The following MAP4K2 variants were observed in gnomAD, a reference collection of about 807,000 sequenced individuals.
MAP4K2 encodes B lymphocyte serine/threonine protein kinase.
MAP4K2 carries 85 observed loss-of-function variants against 125.3 expected under a neutral mutation model. The observed-to-expected ratio is 0.68, with a 90% CI of 0.57 to 0.81. The LOEUF (loss-of-function observed/expected upper bound fraction) is 0.81, where lower values mean the gene tolerates loss of function less well. MAP4K2 is among the 40% of genes least tolerant of loss of function. MAP4K2 has a pLI of 0.00. For synonymous variants in MAP4K2, 479 were observed against 445.1 expected, an observed-to-expected ratio of 1.08 and a Z score of -0.96; for missense variants, 923 against 1,056.4, an observed-to-expected ratio of 0.87 and a Z score of 1.75.
At chr11:64,790,348 T>C (rs764214259) in intron 28 of MAP4K2, 46 bp downstream of exon 28, 2 of 1,613,484 alleles carry the variant, frequency 1.2e-6, no homozygotes, top group Admixed American at 1.7e-5. Context: ...GTGGTCGCCT[T>C]ACCTCCATAG....
chr11:64,792,516 C>G, intron 24 of MAP4K2, 94 bp from the exon 25 acceptor site: 1 of 1,026,820 alleles, frequency 9.7e-7, no homozygotes, highest in South Asian at 1.4e-5. Context: ...CAGCTTCCCT[C>G]TTTACAAGTA....
intron 24 of MAP4K2, among the ~76,000 whole-genome samples, chr11:64,794,811 G>A (rs944937235): frequency 3.3e-5 from 5 of 152,188 alleles, no homozygotes; most frequent in African/African-American, 9.6e-5. Context: ...AAGCTTGCCC[G>A]GTCTCTGAGG....
At chr11:64,793,316 G>C (rs675949) in intron 24 of MAP4K2, among the ~76,000 whole-genome samples, 1 of 152,134 alleles carries the variant, frequency 6.6e-6, no homozygotes, top group Non-Finnish European at 1.5e-5. Context: ...GACTGCACAC[G>C]GCCCATTTCA....
At chr11:64,790,150 C>G in intron 29 of MAP4K2, 38 bp downstream of exon 29, 6 of 1,610,876 alleles carry the variant, frequency 3.7e-6, no homozygotes, top group Non-Finnish European at 5.1e-6. Context: ...GTGCTCCAGG[C>G]CAGGGAAAGG....
chr11:64,798,950 G>A, intron 14 of MAP4K2, 113 bp from the exon 15 acceptor site: 1 of 892,480 alleles, frequency 1.1e-6, no homozygotes, highest in Non-Finnish European at 1.7e-6. Context: ...CGGGAAAGGT[G>A]AGATGGAAAC....
chr11:64,800,751 G>A lies in MAP4K2; in HGVS notation c.725+13C>T, dbSNP rs369756274. ...CAGAAAAGGGGGTCCCGGCAGCAGG[G>A]TGTGGCCCTTACCAGCGAGTCTTAT... On this transcript the variant is annotated intron_variant, in intron 10 of 31. Coordinates refer to ENST00000294066, the MANE Select transcript of MAP4K2 (RefSeq NM_004579.5). 3 of 1,596,096 alleles carry A rather than the reference G, an allele frequency of 1.9e-6. No individual in the cohort carries two copies. The highest frequency in any genetic ancestry group is 2.6e-6 in the Non-Finnish European group (3 of 1,171,380).
chr11:64,800,820 C>G lies in MAP4K2; in HGVS notation c.669G>C (p.Leu223=). Residue 223 remains leucine (L), a synonymous_variant, in exon 10 of 32, where the codon CTG becomes CTC. Transcript: ENST00000294066. ...GGAAGCTGCTCTTCGACATGAGCAT[C>G]AGGGCCCTGTGGAGGGCGCGAGGTC... The part of the protein sequence containing the change: ...PLFHLHPMRA[L]MLMSKSSFQP... 1 of 1,612,570 alleles carries G rather than the reference C, an allele frequency of 6.2e-7. No homozygotes were observed. Among genetic ancestry groups the G allele is most frequent in the Admixed American group, 1.7e-5 (1 of 59,714 alleles).
At position 64,797,539 on chromosome 11, in the gene MAP4K2, G is replaced by A. The variant is rs368609104; in HGVS notation, c.1137-5C>T. On this transcript the variant is annotated splice_polypyrimidine_tract_variant and splice_region_variant and intron_variant, in intron 16 of 31. Coordinates refer to ENST00000294066, the MANE Select transcript of MAP4K2 (RefSeq NM_004579.5). ...GCTGACCGAATAGTCAGACTCCTGT[G>A]GGAGGGAGATGAGGCGTGAGGCATG... The A allele has an allele frequency of 1.1e-4, 176 of 1,571,888 alleles. No individual in the cohort carries two copies. Among genetic ancestry groups the A allele is most frequent in the Middle Eastern group, 6.7e-4 (4 of 6,012 alleles).
chr11:64,789,848 C>G, intron 30 of MAP4K2, 41 bp downstream of exon 30: 2 of 1,614,054 alleles, frequency 1.2e-6, no homozygotes, highest in Non-Finnish European at 1.7e-6. Context: ...GAGGTAGGGA[C>G]CACAAGGCAG....
rs1417945439 is a variant in MAP4K2 at position 64,786,525 on chromosome 11, C to A, written c.*3012G>T. 1 of 152,234 alleles carries A rather than the reference C, an allele frequency of 6.6e-6. No individual in the cohort carries two copies. Among genetic ancestry groups the A allele is most frequent in the African/African-American group, 2.4e-5 (1 of 41,450 alleles). The allele number at this position is 152,234 out of a possible 1,614,324, so 9.4% of individuals were successfully genotyped here. A position where few individuals can be genotyped will look rare whatever the true frequency, so the allele number is the denominator to read the frequency against. The stretch of plus-strand genomic sequence containing the variant: ...ATCATGGTGCTCCCCTTGACTTTCA[C>A]CAGGATGACTCCGGGTATGGGCCAG... On this transcript the variant is annotated 3_prime_UTR_variant, in exon 32 of 32. Transcript: ENST00000294066.
At position 64,784,962 on chromosome 11, in the gene MAP4K2, A is replaced by G; in HGVS notation, c.*4575T>C. On this transcript the variant is annotated 3_prime_UTR_variant, in exon 32 of 32. Coordinates refer to ENST00000294066, the MANE Select transcript of MAP4K2 (RefSeq NM_004579.5). ...TATTTGTAATAGTTCACAACGGAAC[A>G]TGGTCCAAATGTCCATCAACAGGTG... 6.6e-6 allele frequency: 1 copy of G among 152,252 alleles called. No individual in the cohort carries two copies. The highest frequency in any genetic ancestry group is 2.1e-4 in the South Asian group (1 of 4,836). 9.4% of individuals were successfully genotyped at this position (152,252 alleles called of 1,614,324 possible). A position where few individuals can be genotyped will look rare whatever the true frequency, so the allele number is the denominator to read the frequency against.
At position 64,786,246 on chromosome 11, in the gene MAP4K2, T is replaced by C. The variant is rs1055996249; in HGVS notation, c.*3291A>G. 2 of 152,256 alleles carry C rather than the reference T, an allele frequency of 1.3e-5. No individual in the cohort carries two copies. Among genetic ancestry groups the C allele is most frequent in the East Asian group, 1.9e-4 (1 of 5,206 alleles). The allele number at this position is 152,256 out of a possible 1,614,324, so 9.4% of individuals were successfully genotyped here. A position where few individuals can be genotyped will look rare whatever the true frequency, so the allele number is the denominator to read the frequency against. ...TTACCTCTAAGAGTCATCTATGTTATTGCATTATGTCTGTTACAGTATTTC... is the reference window on the plus strand; with the variant it reads ...TTACCTCTAAGAGTCATCTATGTTACTGCATTATGTCTGTTACAGTATTTC... On this transcript the variant is annotated 3_prime_UTR_variant, in exon 32 of 32. Transcript: ENST00000294066.
In MAP4K2 at chr11:64,797,168, C is replaced by G. The variant is rs530729964; in HGVS notation, c.1301G>C (p.Gly434Ala). The stretch of plus-strand genomic sequence containing the variant: ...GGGCAGCAGTGGGGAGCTGTTGGGG[C>G]CTGAAGGAGGTGGGGGCAGGGTTCC... ...PPGTLPPPPSGPNSSPLLPTA... is the reference protein window; with the variant it reads ...PPGTLPPPPSAPNSSPLLPTA... Residue 434 changes from glycine (G) to alanine (A), a missense_variant, in exon 19 of 32, where the codon GGC (glycine) becomes GCC (alanine). Physicochemically the swap from Gly to Ala is moderately conservative, Grantham distance 60 (BLOSUM62 0). Coordinates refer to ENST00000294066, the MANE Select transcript of MAP4K2 (RefSeq NM_004579.5). The G allele has an allele frequency of 5.0e-6, 8 of 1,613,924 alleles. No homozygotes were observed. The South Asian group carries it at 8.8e-5, about 18-fold the overall frequency.
intron 3 of MAP4K2, 32 bp from the exon 4 acceptor site, chr11:64,802,515 C>G: frequency 6.4e-7 from 1 of 1,565,576 alleles, no homozygotes; most frequent in Non-Finnish European, 8.7e-7. Flanking sequence ...GGGCACAAAG[C>G]AGGTCACATG....
At chr11:64,801,275 T>G in intron 7 of MAP4K2, 92 bp from the exon 8 acceptor site, 1 of 1,471,074 alleles carries the variant, frequency 6.8e-7, no homozygotes, top group Middle Eastern at 2.4e-4. Context: ...CTGGCAGGGC[T>G]CAGACGGGCA....
At chr11:64,794,198 TC>T (rs960865748) in intron 24 of MAP4K2, among the ~76,000 whole-genome samples, 2 of 152,022 alleles carry the variant, frequency 1.3e-5, no homozygotes, top group Admixed American at 1.3e-4. Context: ...TGAATTCAGC[TC>T]CCCCTGAAAC....
rs375444875 is a variant in MAP4K2 at position 64,796,790 on chromosome 11, C to T, written c.1492+19G>A. 6.2e-7 allele frequency: 1 copy of T among 1,613,698 alleles called. No individual in the cohort carries two copies. Among genetic ancestry groups the T allele is most frequent in the Non-Finnish European group, 8.5e-7 (1 of 1,180,026 alleles). On this transcript the variant is annotated intron_variant, in intron 21 of 31. Coordinates refer to ENST00000294066, the MANE Select transcript of MAP4K2 (RefSeq NM_004579.5). ...TGAGGGATTCCTTGGGCTCCCGCTTCCTCCCTGCCCCCACCTACCCCGAGT... is the reference window on the plus strand; with the variant it reads ...TGAGGGATTCCTTGGGCTCCCGCTTTCTCCCTGCCCCCACCTACCCCGAGT...
chr11:64,792,127 C>G, intron 26 of MAP4K2, 41 bp from the exon 27 acceptor site: 8 of 1,583,158 alleles, frequency 5.1e-6, no homozygotes, highest in Non-Finnish European at 6.0e-6. Flanking sequence ...ATTTCTCCCC[C>G]CAGAGCTCTG....
At position 64,796,473 on chromosome 11, in the gene MAP4K2, C is replaced by A; in HGVS notation, c.1633+20G>T. 6.2e-7 allele frequency: 1 copy of A among 1,613,858 alleles called. No homozygotes were observed. The highest frequency in any genetic ancestry group is 8.5e-7 in the Non-Finnish European group (1 of 1,180,016). ...TGGAGCCCCTGCGGACCCTGCCTCC[C>A]TGCCCATCCCACCTTGTACCTGAGA... On this transcript the variant is annotated intron_variant, in intron 23 of 31. Coordinates refer to ENST00000294066, the MANE Select transcript of MAP4K2 (RefSeq NM_004579.5).
Sources: allele counts gnomAD v4.1 joint callset (sites outside exome capture counted in the v4.1 genomes callset), GRCh38; gene constraint gnomAD v4.1.1; transcripts MANE v1.5; gene names NCBI Gene and HGNC (gene_info 2026-07-23, HGNC 2026-07-21).